Variants in TRPS1 observed in about 807,000 individuals in gnomAD.
The protein encoded by TRPS1 is transcriptional repressor GATA binding 1.
TRPS1 carries 6 observed loss-of-function variants against 101.2 expected under a neutral mutation model. The ratio of observed to expected loss-of-function variants is 0.06; its 90% CI spans 0.03 to 0.12. The LOEUF is 0.12. Among genes scored for constraint, TRPS1 ranks in the 10% least tolerant of loss-of-function variants. The pLI, the probability that TRPS1 is intolerant of heterozygous loss-of-function variation, is 1.00. For missense variants in TRPS1, 1,363 were observed against 1,567.0 expected (o/e 0.87, Z 2.20); for synonymous variants, 578 against 589.8 (o/e 0.98, Z 0.29).
intron 5 of TRPS1, among the ~76,000 whole-genome samples, chr8:115,459,831 TGA>T (rs1300615699): frequency 6.6e-6 from 1 of 152,234 alleles, no homozygotes; most frequent in Non-Finnish European, 1.5e-5. Context: ...GCCAGAATGT[TGA>T]GTTATACAAA....
chr8:115,619,260 GGGCCAAGATTTTGCT>G lies in TRPS1; in HGVS notation c.823_837del (p.Ser275_Ala279del), dbSNP rs1452188094. On this transcript the variant is annotated inframe_deletion, in exon 3 of 7. Coordinates refer to ENST00000395715, the MANE Select transcript of TRPS1 (RefSeq NM_014112.5). ...TGGCTGAACTGCACCATGTTATGAA[GGGCCAAGATTTTGCT>G]GTCCAGCTCAGCATCTTGCCTGGTG... The G allele has an allele frequency of 8.7e-6, 14 of 1,613,768 alleles. No homozygotes were observed. Among genetic ancestry groups the G allele is most frequent in the Non-Finnish European group, 1.2e-5 (14 of 1,179,770 alleles).
rs1462542364 is a variant in TRPS1, at chr8:115,412,345, A to G, written c.*1678T>C. ...AATGCACACACACACACACAAAAGG[A>G]TATCTACTGCAATAGAAATAGTTGC... is the stretch of plus-strand genomic sequence containing the variant. On this transcript the variant is annotated 3_prime_UTR_variant, in exon 7 of 7. Transcript: ENST00000395715. 2.0e-5 allele frequency: 3 copies of G among 152,454 alleles called. No individual in the cohort carries two copies. Among genetic ancestry groups the G allele is most frequent in the African/African-American group, 4.8e-5 (2 of 41,430 alleles). 9.4% of individuals were successfully genotyped at this position (152,454 alleles called of 1,614,324 possible).
chr8:115,412,607 C>G lies in TRPS1; in HGVS notation c.*1416G>C, dbSNP rs1316115454. On this transcript the variant is annotated 3_prime_UTR_variant, in exon 7 of 7. Transcript: ENST00000395715. ...GAAATAAGTTAATCTGACAGTGCAT[C>G]CAGTAGCTTGTAATATCTTCTACAT... 1 of 152,390 alleles carries G rather than the reference C, an allele frequency of 6.6e-6. No homozygotes were observed. The highest frequency in any genetic ancestry group is 1.5e-5 in the Non-Finnish European group (1 of 67,982). 9.4% of individuals were successfully genotyped at this position (152,390 alleles called of 1,614,324 possible). A position where few individuals can be genotyped will look rare whatever the true frequency, so the allele number is the denominator to read the frequency against.
intron 4 of TRPS1, among the ~76,000 whole-genome samples, chr8:115,590,073 C>T (rs1475184265): frequency 1.3e-5 from 2 of 152,074 alleles, no homozygotes; most frequent in East Asian, 1.9e-4. Context: ...GCCGAGATCA[C>T]GACACTGTGC....
intron 5 of TRPS1, among the ~76,000 whole-genome samples, chr8:115,532,064 G>A (rs1461409712): frequency 6.6e-6 from 1 of 152,096 alleles, no homozygotes; most frequent in Non-Finnish European, 1.5e-5. Context: ...ACGATGTTGA[G>A]ATATTCATAA....
intron 5 of TRPS1, among the ~76,000 whole-genome samples, chr8:115,442,550 C>CGTGTGTGTGTGTGT (rs10570037): frequency 1.2e-4 from 17 of 145,100 alleles, no homozygotes; most frequent in African/African-American, 4.3e-4. Context: ...AAGTATGGTG[C>CGTGTGTGTGTGTGT]GTGTGTGTGT....
intron 5 of TRPS1, among the ~76,000 whole-genome samples, chr8:115,551,714 T>C (rs1364156893): frequency 1.3e-5 from 2 of 152,190 alleles, no homozygotes; most frequent in African/African-American, 4.8e-5. Flanking sequence ...AAACATCTTA[T>C]ATAGCATTAA....
At chr8:115,415,189 G>T in intron 6 of TRPS1, 105 bp from the exon 7 acceptor site, 1 of 1,225,714 alleles carries the variant, frequency 8.2e-7, no homozygotes, top group Non-Finnish European at 1.1e-6. Flanking sequence ...TCAAAGCAGG[G>T]ATAGGCTTTC....
At chr8:115,639,139 T>C (rs1049978455) in intron 1 of TRPS1, among the ~76,000 whole-genome samples, 1 of 152,152 alleles carries the variant, frequency 6.6e-6, no homozygotes, top group East Asian at 1.9e-4. Context: ...TCATGGCTCA[T>C]TGCAGCCTTG....
At chr8:115,550,370 C>G (rs1236089402) in intron 5 of TRPS1, among the ~76,000 whole-genome samples, 1 of 152,196 alleles carries the variant, frequency 6.6e-6, no homozygotes. Context: ...GACTCTCATG[C>G]TGGCTCAGCC....
chr8:115,660,658 A>G (rs1176677890), intron 1 of TRPS1, among the ~76,000 whole-genome samples: 1 of 151,922 alleles, frequency 6.6e-6, no homozygotes, highest in Non-Finnish European at 1.5e-5. Flanking sequence ...ATACTTGTAT[A>G]TTTCCTTCTA....
At chr8:115,480,950 A>G (rs970760661) in intron 5 of TRPS1, among the ~76,000 whole-genome samples, 1 of 152,160 alleles carries the variant, frequency 6.6e-6, no homozygotes, top group African/African-American at 2.4e-5. Flanking sequence ...TAGGTTGACT[A>G]GAAAATATTT....
At chr8:115,646,963 G>C (rs1254496585) in intron 1 of TRPS1, among the ~76,000 whole-genome samples, 1 of 152,022 alleles carries the variant, frequency 6.6e-6, no homozygotes, top group Non-Finnish European at 1.5e-5. Flanking sequence ...AAGTTGAAGT[G>C]TTACAAATTA....
chr8:115,412,155 A>T lies in TRPS1; in HGVS notation c.*1868T>A, dbSNP rs1390361372. On this transcript the variant is annotated 3_prime_UTR_variant, in exon 7 of 7. Transcript: ENST00000395715. ...ATATGTTTATCATCTTAAGCATAACAATGTGAGTTAAGAGCTTAAAAATTA... is the reference window on the plus strand; with the variant it reads ...ATATGTTTATCATCTTAAGCATAACTATGTGAGTTAAGAGCTTAAAAATTA... The T allele has an allele frequency of 6.6e-6, 1 of 152,190 alleles. No homozygotes were observed. The highest frequency in any genetic ancestry group is 1.5e-5 in the Non-Finnish European group (1 of 67,936). 9.4% of individuals were successfully genotyped at this position (152,190 alleles called of 1,614,324 possible). A position where few individuals can be genotyped will look rare whatever the true frequency, so the allele number is the denominator to read the frequency against.
At position 115,630,939 on chromosome 8, in the gene TRPS1, A is replaced by G. The variant is rs561652360; in HGVS notation, c.-121-7181T>C. Among the ~76,000 whole-genome samples, 6 of 152,196 alleles carry G rather than the reference A, an allele frequency of 3.9e-5. No individual in the cohort carries two copies. In the East Asian group the frequency reaches 1.2e-3, roughly 29 times the overall value. On this transcript the variant is annotated intron_variant, in intron 1 of 6. Coordinates refer to ENST00000395715, the MANE Select transcript of TRPS1 (RefSeq NM_014112.5). ...AGAAACTTACAAGAGAACACAATCT[A>G]CAAGACGCCATGTTACAAAGGCTGC...
At chr8:115,462,641 C>CT (rs773440841) in intron 5 of TRPS1, among the ~76,000 whole-genome samples, 92 of 62,940 alleles carry the variant, frequency 1.5e-3, no homozygotes, top group African/African-American at 3.4e-3. Context: ...CTCTCTCTCT[C>CT]TTTTTTTTTT....
chr8:115,610,858 T>A lies in TRPS1; in HGVS notation c.967-5856A>T, dbSNP rs1818145492. Among the ~76,000 whole-genome samples, 3 of 152,254 alleles carry A rather than the reference T, an allele frequency of 2.0e-5. No homozygotes were observed. In the South Asian group the frequency reaches 6.2e-4, roughly 32 times the overall value. On this transcript the variant is annotated intron_variant, in intron 3 of 6. Coordinates refer to ENST00000395715, the MANE Select transcript of TRPS1 (RefSeq NM_014112.5). ...TAGGCCGGGGACAGTGGCTCACACC[T>A]GTAATCCCAGCACTTTGGGAGGCCA...
chr8:115,439,395 T>G (rs1169916007), intron 5 of TRPS1, among the ~76,000 whole-genome samples: 1 of 152,170 alleles, frequency 6.6e-6, no homozygotes, highest in Non-Finnish European at 1.5e-5. Flanking sequence ...TAAAGCAAAG[T>G]CATTATGAAG....
At chr8:115,569,328 C>T (rs1345233830) in intron 5 of TRPS1, among the ~76,000 whole-genome samples, 3 of 151,924 alleles carry the variant, frequency 2.0e-5, no homozygotes, top group Non-Finnish European at 2.9e-5. Context: ...ACAGCTATAC[C>T]CTCTCTCCCT....
Sources: gnomAD v4.1 joint callset for allele counts (sites outside exome capture counted in the v4.1 genomes callset) on GRCh38, gnomAD v4.1.1 for gene constraint, MANE v1.5 for transcripts, NCBI Gene and HGNC (gene_info 2026-07-23, HGNC 2026-07-21) for gene names.